Variants in CTNNA2 observed in about 807,000 individuals in gnomAD.
CTNNA2 encodes the protein catenin alpha 2.
CTNNA2 carries 42 observed loss-of-function variants against 101.0 expected under a neutral mutation model. The observed-to-expected ratio is 0.42, with a 90% CI of 0.32 to 0.54. The LOEUF (loss-of-function observed/expected upper bound fraction) is 0.54. CTNNA2 is among the 20% of genes least tolerant of loss of function. The probability of loss-of-function intolerance (pLI) is 0.14; values close to 1 mark genes in which losing one functional copy is unlikely to be tolerated. For synonymous variants in CTNNA2, 450 were observed against 456.4 expected (o/e 0.99, Z 0.18); for missense variants, 871 against 1,223.1 (o/e 0.71, Z 4.29).
intron 7 of CTNNA2, among the ~76,000 whole-genome samples, chr2:80,117,455 A>AGTGGGT (rs1701589284): frequency 6.9e-6 from 1 of 145,882 alleles, no homozygotes; most frequent in Non-Finnish European, 1.5e-5. Context: ...TTCCTGTGTG[A>AGTGGGT]GTGTGTGTGT....
rs137868619 is a variant in CTNNA2 at position 80,172,404 on chromosome 2, G to C, written c.1057-220807G>C. On this transcript the variant is annotated intron_variant, in intron 7 of 18. Coordinates refer to ENST00000402739, the MANE Select transcript of CTNNA2 (RefSeq NM_001282597.3). ...GGGGTTTGTTCCTTTAACCGATACT[G>C]TAGGAAGGACACTGTTCTCTGAAAG... 4.5e-3 allele frequency among the ~76,000 whole-genome samples: 684 copies of C among 152,258 alleles called. 4 individuals carry two copies. The highest frequency in any genetic ancestry group is 0.016 in the African/African-American group (647 of 41,532).
intron 15 of CTNNA2, among the ~76,000 whole-genome samples, chr2:80,594,812 C>G (rs990141213): frequency 6.7e-6 from 1 of 150,370 alleles, no homozygotes; most frequent in African/African-American, 2.5e-5. Flanking sequence ...TGTGGAAAAT[C>G]ATTTGACCTT....
chr2:79,641,313 G>A (rs2104419299), intron 1 of CTNNA2, among the ~76,000 whole-genome samples: 1 of 152,270 alleles, frequency 6.6e-6, no homozygotes, highest in African/African-American at 2.4e-5. Flanking sequence ...TGAGATTCTG[G>A]TGAAGAATTG....
chr2:80,570,461 A>G (rs905089762), intron 12 of CTNNA2, among the ~76,000 whole-genome samples: 4 of 152,308 alleles, frequency 2.6e-5, no homozygotes, highest in Non-Finnish European at 4.4e-5. Context: ...TCCCTAAATA[A>G]ATATTGAACT....
chr2:79,410,423 A>C (rs1678395993), intron 4 of CTNNA2, among the ~76,000 whole-genome samples: 1 of 151,178 alleles, frequency 6.6e-6, no homozygotes, highest in Non-Finnish European at 1.5e-5. Context: ...ATTCAGTATG[A>C]TATTGGCTGT....
chr2:80,009,856 A>G (rs923215276), intron 7 of CTNNA2, among the ~76,000 whole-genome samples: 1 of 152,098 alleles, frequency 6.6e-6, no homozygotes. Context: ...GGATAGTTGG[A>G]AACATTTTAT....
chr2:80,287,354 T>C (rs751787592), intron 7 of CTNNA2, among the ~76,000 whole-genome samples: 28 of 152,170 alleles, frequency 1.8e-4, no homozygotes, highest in Non-Finnish European at 2.1e-4. Context: ...ACTTTAAAAC[T>C]TAGAAACTGC....
intron 7 of CTNNA2, among the ~76,000 whole-genome samples, chr2:80,224,513 C>T (rs1043334668): frequency 2.0e-5 from 3 of 151,266 alleles, no homozygotes; most frequent in African/African-American, 4.9e-5. Context: ...GGTGTGATCT[C>T]GGCTCACTGC....
chr2:80,034,354 C>CTTTTTTTTTTTTT (rs1199616310), intron 7 of CTNNA2, among the ~76,000 whole-genome samples: 3 of 54,074 alleles, frequency 5.5e-5, no homozygotes, highest in Non-Finnish European at 1.0e-4. Flanking sequence ...ATTTTTTTTT[C>CTTTTTTTTTTTTT]TTTTTTTTTT....
intron 1 of CTNNA2, among the ~76,000 whole-genome samples, chr2:79,636,666 A>G (rs561098029): frequency 6.6e-6 from 1 of 152,304 alleles, no homozygotes; most frequent in South Asian, 2.1e-4. Flanking sequence ...TAACTAGAAT[A>G]TATATAAATG....
chr2:80,559,878 T>TATCTATCTCTCTATC (rs1693393440), intron 12 of CTNNA2, among the ~76,000 whole-genome samples: 1 of 113,934 alleles, frequency 8.8e-6, no homozygotes, highest in African/African-American at 3.0e-5. Context: ...GATATCATAT[T>TATCTATCTCTCTATC]TATATATATA....
chr2:79,372,384 A>G (rs1030232429), intron 3 of CTNNA2, among the ~76,000 whole-genome samples: 1 of 152,336 alleles, frequency 6.6e-6, no homozygotes, highest in South Asian at 2.1e-4. Flanking sequence ...CAGGAATTAC[A>G]GAAAATGAGT....
At chr2:79,675,586 A>G (rs190856026) in intron 2 of CTNNA2, among the ~76,000 whole-genome samples, 22 of 152,264 alleles carry the variant, frequency 1.4e-4, no homozygotes, top group Admixed American at 8.5e-4. Context: ...TTTATTTTCT[A>G]ATTATTTTTA....
At chr2:80,577,810 C>T (rs890124142) in intron 13 of CTNNA2, among the ~76,000 whole-genome samples, 3 of 150,714 alleles carry the variant, frequency 2.0e-5, no homozygotes, top group African/African-American at 7.3e-5. Context: ...TCAAGCTCTC[C>T]TGCCAACCTA....
At chr2:80,590,180 CT>C (rs990332252) in intron 15 of CTNNA2, among the ~76,000 whole-genome samples, 1 of 152,128 alleles carries the variant, frequency 6.6e-6, no homozygotes, top group African/African-American at 2.4e-5. Flanking sequence ...TTGGTCTCTT[CT>C]TTAAAAGAAG....
At chr2:80,296,093 T>A (rs1199161787) in intron 7 of CTNNA2, among the ~76,000 whole-genome samples, 1 of 152,182 alleles carries the variant, frequency 6.6e-6, no homozygotes, top group Non-Finnish European at 1.5e-5. Flanking sequence ...AGTAGATGCA[T>A]AAATTTATGG....
chr2:80,499,781 A>G (rs2149530730), intron 9 of CTNNA2, among the ~76,000 whole-genome samples: 1 of 152,288 alleles, frequency 6.6e-6, no homozygotes, highest in Non-Finnish European at 1.5e-5. Context: ...AGATCATGCC[A>G]CTACACTCCA....
intron 7 of CTNNA2, among the ~76,000 whole-genome samples, chr2:80,097,559 C>T (rs941291433): frequency 4.6e-5 from 7 of 152,170 alleles, no homozygotes; most frequent in African/African-American, 1.7e-4. Context: ...GCCTGCCTTC[C>T]TAGATTGGAG....
chr2:80,406,824 C>A (rs1368143579), intron 8 of CTNNA2, among the ~76,000 whole-genome samples: 1 of 99,732 alleles, frequency 1.0e-5, no homozygotes, highest in East Asian at 2.8e-4. Context: ...GAGACTCCAT[C>A]TCAAAAAAAA....
Sources: allele counts gnomAD v4.1 joint callset (sites outside exome capture counted in the v4.1 genomes callset), GRCh38; gene constraint gnomAD v4.1.1; transcripts MANE v1.5; gene names NCBI Gene and HGNC (gene_info 2026-07-23, HGNC 2026-07-21).